The following TEX9 variants were observed in gnomAD, a reference collection of about 807,000 sequenced individuals.
TEX9 encodes the protein testis-expressed protein 9.
A neutral mutation model predicts 59.6 loss-of-function variants in TEX9; 74 were observed. That is an observed-to-expected ratio of 1.24 (90% CI 1.03 to 1.51). TEX9 has a LOEUF of 1.51. Among genes scored for constraint, TEX9 ranks in the 40% most tolerant of loss-of-function variants. The probability of loss-of-function intolerance (pLI) is 0.00; values close to 1 mark genes in which losing one functional copy is unlikely to be tolerated. For synonymous variants in TEX9, 186 were observed against 152.2 expected, an observed-to-expected ratio of 1.22 and a Z score of -1.64; for missense variants, 522 against 447.8, an observed-to-expected ratio of 1.17 and a Z score of -1.49.
chr15:56,373,656 G>C (rs2047293829), intron 3 of TEX9, 152 bp downstream of exon 3: 2 of 572,682 alleles, frequency 3.5e-6, no homozygotes, highest in Non-Finnish European at 5.6e-6. Flanking sequence ...TATATGCATA[G>C]GTATAGGAAT....
rs905811697 is a variant in TEX9 at position 56,286,382 on chromosome 15, G to C, written c.-107+42104G>C. On this transcript the variant is annotated intron_variant, in intron 1 of 5. Transcript: ENST00000560827. ...TAGGCGATGAAAATGAGATCTGTGG[G>C]GTCCAGAGATGAGGCACTGACACAT... 1.8e-4 allele frequency among the ~76,000 whole-genome samples: 27 copies of C among 152,118 alleles called. 1 individual carries two copies. Among genetic ancestry groups the C allele is most frequent in the Admixed American group, 6.5e-4 (10 of 15,274 alleles).
intron 9 of TEX9, among the ~76,000 whole-genome samples, chr15:56,406,898 C>G (rs1183342645): frequency 5.3e-5 from 8 of 152,086 alleles, no homozygotes; most frequent in Non-Finnish European, 1.0e-4. Flanking sequence ...CAGTGTGTTT[C>G]AAAAGACAGC....
downstream of TEX9, among the ~76,000 whole-genome samples, chr15:56,450,554 G>T (rs74247168): frequency 6.6e-6 from 1 of 151,946 alleles, no homozygotes; most frequent in African/African-American, 2.4e-5. Flanking sequence ...TGTTTTCAAG[G>T]TTCACTAATA....
intron 3 of TEX9, chr15:56,374,577 G>T (rs1017132334): frequency 6.6e-6 from 1 of 152,094 alleles, no homozygotes; most frequent in Non-Finnish European, 1.5e-5. Context: ...AATTTAAAAT[G>T]TACAATTAAA....
chr15:56,389,486 T>C, intron 6 of TEX9, 86 bp downstream of exon 6: 1 of 1,014,808 alleles, frequency 9.9e-7, no homozygotes. Flanking sequence ...CTCTGTTTGT[T>C]TTTCCAGATC....
At chr15:56,401,428 A>C (rs2048775824) in intron 9 of TEX9, among the ~76,000 whole-genome samples, 1 of 152,188 alleles carries the variant, frequency 6.6e-6, no homozygotes, top group Admixed American at 6.5e-5. Flanking sequence ...GGATCAATTC[A>C]ACAAGAAGAG....
chr15:56,271,130 GT>G (rs1567068759), intron 1 of TEX9, among the ~76,000 whole-genome samples: 1 of 151,976 alleles, frequency 6.6e-6, no homozygotes, highest in African/African-American at 2.4e-5. Context: ...TGCTCTTCTC[GT>G]GGAGTATCTT....
At chr15:56,262,655 T>A (rs2044293172) in intron 1 of TEX9, among the ~76,000 whole-genome samples, 1 of 152,236 alleles carries the variant, frequency 6.6e-6, no homozygotes, top group Non-Finnish European at 1.5e-5. Context: ...TCTATATAAT[T>A]TCTAATTTTC....
intron 3 of TEX9, among the ~76,000 whole-genome samples, chr15:56,375,759 GAC>G (rs1246739241): frequency 6.6e-6 from 1 of 151,986 alleles, no homozygotes; most frequent in African/African-American, 2.4e-5. Context: ...CTGCTATAAA[GAC>G]ACATGCACAC....
At chr15:56,443,450 T>A (rs200722079) in intron 12 of TEX9, 2 of 1,587,954 alleles carry the variant, frequency 1.3e-6, no homozygotes, top group East Asian at 4.5e-5. Context: ...CTCTTATATA[T>A]TTCAGCTTGT....
At chr15:56,433,547 C>T (rs1484659979) in intron 12 of TEX9, among the ~76,000 whole-genome samples, 3 of 152,170 alleles carry the variant, frequency 2.0e-5, no homozygotes, top group East Asian at 1.9e-4. Flanking sequence ...TAACATCTCT[C>T]GGGTGGATCC....
intron 1 of TEX9, among the ~76,000 whole-genome samples, chr15:56,277,852 T>G (rs936140701): frequency 2.0e-5 from 3 of 152,196 alleles, no homozygotes; most frequent in Non-Finnish European, 2.9e-5. Flanking sequence ...ATAACCTTCA[T>G]TTAGGAAGAT....
At position 56,352,411 on chromosome 15, in the gene TEX9, A is replaced by ATT. The variant is rs568700139; in HGVS notation, c.-106-21018_-106-21017dup. On this transcript the variant is annotated intron_variant, in intron 1 of 5. Transcript: ENST00000560827. ...AGGTGCCCACTACCACGCCCAGCTA[A>ATT]TTTTTTTTTTTTTGTATTTTTAGTA... Among the ~76,000 whole-genome samples, 35 of 145,578 alleles carry ATT rather than the reference A, an allele frequency of 2.4e-4. 1 individual carries two copies. Among genetic ancestry groups the ATT allele is most frequent in the Admixed American group, 6.1e-4 (9 of 14,684 alleles).
At chr15:56,308,565 T>C (rs969723717) in intron 1 of TEX9, among the ~76,000 whole-genome samples, 2 of 151,866 alleles carry the variant, frequency 1.3e-5, no homozygotes, top group Non-Finnish European at 2.9e-5. Context: ...ATTTTGATAA[T>C]GTCCAGTTTA....
intron 4 of TEX9, among the ~76,000 whole-genome samples, chr15:56,388,001 T>G (rs1307400320): frequency 6.6e-6 from 1 of 152,042 alleles, no homozygotes; most frequent in Non-Finnish European, 1.5e-5. Flanking sequence ...AACTTTTAAA[T>G]TGACTAGGCA....
chr15:56,401,307 G>GAAAAAAAAAAAAAAAAAAAAAAAAAAAA (rs1567125532), intron 9 of TEX9, among the ~76,000 whole-genome samples: 1 of 7,804 alleles, frequency 1.3e-4, no homozygotes, highest in African/African-American at 4.5e-4. Flanking sequence ...CAAATTGAAA[G>GAAAAAAAAAAAAAAAAAAAAAAAAAAAA]CAAAAAAAAA....
chr15:56,417,949 T>G lies in TEX9; in HGVS notation c.963+5513T>G, dbSNP rs531750491. On this transcript the variant is annotated intron_variant, in intron 10 of 12. Coordinates refer to ENST00000352903, the Ensembl canonical transcript of TEX9. ...CATTCTGTAATGCCTTTCTTTGTCT[T>G]TTTTGATCTTTGTTGGTTTGAAACG... Among the ~76,000 whole-genome samples, 66 of 152,010 alleles carry G rather than the reference T, an allele frequency of 4.3e-4. 3 individuals are homozygous for G. Among genetic ancestry groups the G allele is most frequent in the African/African-American group, 1.6e-3 (65 of 41,304 alleles).
intron 1 of TEX9, among the ~76,000 whole-genome samples, chr15:56,351,968 A>T (rs1242272889): frequency 6.6e-6 from 1 of 152,240 alleles, no homozygotes; most frequent in East Asian, 1.9e-4. Context: ...AAGGCATTTT[A>T]GACACTATTA....
At chr15:56,330,334 T>C (rs1317919658) in intron 1 of TEX9, among the ~76,000 whole-genome samples, 2 of 152,156 alleles carry the variant, frequency 1.3e-5, no homozygotes, top group African/African-American at 4.8e-5. Flanking sequence ...AGAAATCATC[T>C]GAAGGTATAA....
Sources: gnomAD v4.1 joint callset for allele counts (sites outside exome capture counted in the v4.1 genomes callset) on GRCh38, gnomAD v4.1.1 for gene constraint, MANE v1.5 for transcripts, NCBI Gene and HGNC (gene_info 2026-07-23, HGNC 2026-07-21) for gene names.